Variants in PANX3 observed in about 807,000 individuals in gnomAD.
PANX3 encodes pannexin 3, also known as pannexin-3.
A neutral mutation model predicts 31.5 loss-of-function variants in PANX3; 18 were observed. The ratio of observed to expected loss-of-function variants is 0.57; its 90% CI spans 0.39 to 0.85. PANX3 has a LOEUF of 0.85. Among genes scored for constraint, PANX3 ranks in the 40% least tolerant of loss-of-function variants. The pLI is 0.00. For synonymous variants in PANX3, 194 were observed against 201.6 expected, an observed-to-expected ratio of 0.96 and a Z score of 0.32; for missense variants, 426 against 485.4, an observed-to-expected ratio of 0.88 and a Z score of 1.15.
chr11:124,618,354 T>G (rs570484604), intron 3 of PANX3, among the ~76,000 whole-genome samples: 1 of 152,332 alleles, frequency 6.6e-6, no homozygotes, highest in East Asian at 1.9e-4. Flanking sequence ...TTCTGAACAT[T>G]GAAGGCCACA....
chr11:124,611,468 CAA>C lies in PANX3; in HGVS notation c.-87_-86del. On this transcript the variant is annotated 5_prime_UTR_variant, in exon 1 of 4. Coordinates refer to ENST00000284288, the MANE Select transcript of PANX3 (RefSeq NM_052959.3). Reference sequence around the variant, plus strand: ...GCTGGGGTGGCAGGCACTGTCTGCCCAAAGTCAGCTGCCTGAAGCTGCCGTCT... The same window carrying C: ...GCTGGGGTGGCAGGCACTGTCTGCCCAGTCAGCTGCCTGAAGCTGCCGTCT... The C allele has an allele frequency of 7.5e-7, 1 of 1,328,718 alleles. No individual in the cohort carries two copies. The highest frequency in any genetic ancestry group is 1.0e-6 in the Non-Finnish European group (1 of 975,932). The allele number at this position is 1,328,718 out of a possible 1,614,324, so 82.3% of individuals were successfully genotyped here. A position where few individuals can be genotyped will look rare whatever the true frequency, so the allele number is the denominator to read the frequency against.
At chr11:124,613,510 C>G (rs925301101) in intron 2 of PANX3, among the ~76,000 whole-genome samples, 5 of 152,108 alleles carry the variant, frequency 3.3e-5, no homozygotes, top group African/African-American at 1.2e-4. Context: ...TGCCAACCCT[C>G]TAGGAACTCG....
intron 1 of PANX3, 89 bp from the exon 2 acceptor site, chr11:124,612,891 A>G: frequency 2.0e-6 from 3 of 1,509,286 alleles, no homozygotes; most frequent in Non-Finnish European, 2.7e-6. Flanking sequence ...TGCCAGAAAC[A>G]GAAACTGGGG....
rs1591369549 is a variant in PANX3 at position 124,619,915 on chromosome 11, G to C, written c.1159G>C (p.Ala387Pro). The change falls in exon 4 of 4, where the codon GCA (alanine) becomes CCA (proline). Residue 387 changes from alanine (A) to proline (P), a missense_variant. Transcript: ENST00000284288. ...PSKPKHLTNS[A>P]CDEHP ...AAAACCCAAACACCTCACCAACTCGGCATGTGATGAACACCCATAGTTAAG... is the reference window on the plus strand; with the variant it reads ...AAAACCCAAACACCTCACCAACTCGCCATGTGATGAACACCCATAGTTAAG... The C allele has an allele frequency of 6.2e-7, 1 of 1,607,918 alleles. No homozygotes were observed. The highest frequency in any genetic ancestry group is 2.2e-5 in the East Asian group (1 of 44,850).
In PANX3 at chr11:124,619,938, A is replaced by G; in HGVS notation, c.*3A>G. The G allele has an allele frequency of 6.3e-7, 1 of 1,588,998 alleles. No homozygotes were observed. The highest frequency in any genetic ancestry group is 1.1e-5 in the South Asian group (1 of 87,152). ...CGGCATGTGATGAACACCCATAGTT[A>G]AGAAACCATGGAGCAAGAAAGCTTG... On this transcript the variant is annotated 3_prime_UTR_variant, in exon 4 of 4. Coordinates refer to ENST00000284288, the MANE Select transcript of PANX3 (RefSeq NM_052959.3).
At chr11:124,617,091 A>G (rs1863161226) in intron 2 of PANX3, among the ~76,000 whole-genome samples, 183 bp from the exon 3 acceptor site, 1 of 152,212 alleles carries the variant, frequency 6.6e-6, no homozygotes, top group Admixed American at 6.5e-5. Context: ...CTTCTGAAGC[A>G]GGCCCGCCTG....
chr11:124,616,744 C>T lies in PANX3; in HGVS notation c.325-530C>T, dbSNP rs1236083651. ...CCAAAAATCAGAAAAGACCACTGTG[C>T]ATCAGACAAGTCCAGGAAGGTGACA... On this transcript the variant is annotated intron_variant, in intron 2 of 3. Transcript: ENST00000284288. The surrounding 1 kb of genome is among the most constrained non-coding windows in gnomAD (Gnocchi z 4.8). 6.6e-6 allele frequency among the ~76,000 whole-genome samples: 1 copy of T among 152,210 alleles called. No individual in the cohort carries two copies. Among genetic ancestry groups the T allele is most frequent in the Admixed American group, 6.5e-5 (1 of 15,280 alleles).
chr11:124,618,710 T>C (rs763622002), intron 3 of PANX3, among the ~76,000 whole-genome samples: 1 of 152,154 alleles, frequency 6.6e-6, no homozygotes, highest in South Asian at 2.1e-4. Context: ...AGTGGCACGA[T>C]CTTGGCTCAT....
chr11:124,611,432 A>G lies in PANX3; in HGVS notation c.-125A>G, dbSNP rs1469594395. The G allele has an allele frequency of 6.1e-6, 5 of 814,756 alleles. No individual in the cohort carries two copies. Among genetic ancestry groups the G allele is most frequent in the Non-Finnish European group, 9.4e-6 (5 of 532,770 alleles). 50.5% of individuals were successfully genotyped at this position (814,756 alleles called of 1,614,324 possible). ...GAACCATCGCCTGCTCCCAGCAGAG[A>G]TATCCATAAGGCTGGGGTGGCAGGC... is the stretch of plus-strand genomic sequence containing the variant. On this transcript the variant is annotated 5_prime_UTR_variant, in exon 1 of 4. Transcript: ENST00000284288.
chr11:124,617,767 C>T (rs1358756081), intron 3 of PANX3, among the ~76,000 whole-genome samples: 2 of 152,236 alleles, frequency 1.3e-5, no homozygotes, highest in African/African-American at 4.8e-5. Context: ...TAGCTCCCTT[C>T]ATGCCTACCA....
intron 2 of PANX3, among the ~76,000 whole-genome samples, chr11:124,615,780 G>A (rs1469089707): frequency 1.3e-5 from 2 of 152,176 alleles, no homozygotes; most frequent in East Asian, 3.9e-4. Context: ...AGGAGGCCAA[G>A]GTGGGCAGAT....
At position 124,616,119 on chromosome 11, in the gene PANX3, C is replaced by A. The variant is rs961128673; in HGVS notation, c.325-1155C>A. ...AGGTGTGGTAAGTATGATGAGGAAA[C>A]CTGAAGAAAAGTGCCTGTGTTAATT... On this transcript the variant is annotated intron_variant, in intron 2 of 3. Transcript: ENST00000284288. This position sits in a 1 kb window ranked among gnomAD's most constrained non-coding sequence, Gnocchi z 4.8. Among the ~76,000 whole-genome samples the A allele has an allele frequency of 6.6e-6, 1 of 152,070 alleles. No homozygotes were observed. The highest frequency in any genetic ancestry group is 1.5e-5 in the Non-Finnish European group (1 of 68,004).
At chr11:124,614,143 G>A (rs920834378) in intron 2 of PANX3, among the ~76,000 whole-genome samples, 22 of 136,782 alleles carry the variant, frequency 1.6e-4, no homozygotes, top group African/African-American at 6.1e-4. Flanking sequence ...TCTATCACTG[G>A]AAGTTCAGGA....
rs781454815 is a variant in PANX3 at position 124,611,706 on chromosome 11, G to A, written c.150G>A (p.Met50Ile). ...CTGTGGGCTCCCCCTTGTTGCTGAT[G>A]TCCCTGGCATTCGCCCAGGAGTTCT... ...FVAVGSPLLL[M>I]SLAFAQEFSS... is the part of the protein sequence containing the mutation. The change falls in exon 1 of 4, where the codon ATG becomes ATA. Residue 50 changes from methionine to isoleucine, a missense_variant. Met to Ile is a conservative substitution (Grantham distance 10). Transcript: ENST00000284288. The A allele has an allele frequency of 5.6e-6, 9 of 1,614,016 alleles. No homozygotes were observed. The East Asian group carries it at 1.8e-4, about 32-fold the overall frequency.
chr11:124,616,152 G>A lies in PANX3; in HGVS notation c.325-1122G>A, dbSNP rs78787640. Among the ~76,000 whole-genome samples the A allele has an allele frequency of 0.011, 1,621 of 152,306 alleles. 11 individuals are homozygous for A. Among genetic ancestry groups the A allele is most frequent in the Middle Eastern group, 0.02 (6 of 294 alleles). ...AAAGTGCCTGTGTTAATTTGCTAGAGCTGCTGAAACCAAGCACCACCAACT... is the reference window on the plus strand; with the variant it reads ...AAAGTGCCTGTGTTAATTTGCTAGAACTGCTGAAACCAAGCACCACCAACT... On this transcript the variant is annotated intron_variant, in intron 2 of 3. Coordinates refer to ENST00000284288, the MANE Select transcript of PANX3 (RefSeq NM_052959.3). The surrounding 1 kb of genome is among the most constrained non-coding windows in gnomAD (Gnocchi z 4.8).
chr11:124,615,168 C>T (rs779800312), intron 2 of PANX3, among the ~76,000 whole-genome samples: 5 of 152,048 alleles, frequency 3.3e-5, no homozygotes, highest in African/African-American at 4.8e-5. Context: ...CTGCAACCTC[C>T]GCCTTCTGGG....
rs1863199155 is a variant in PANX3 at position 124,620,046 on chromosome 11, G to A, written c.*111G>A. 8.4e-7 allele frequency: 1 copy of A among 1,185,004 alleles called. No individual in the cohort carries two copies. The highest frequency in any genetic ancestry group is 1.2e-6 in the Non-Finnish European group (1 of 848,364). The allele number at this position is 1,185,004 out of a possible 1,614,324, so 73.4% of individuals were successfully genotyped here. The stretch of plus-strand genomic sequence containing the variant: ...AAATTACACATTTTAAAACTGCTAA[G>A]CTTGGATTTAACTGAATCATATATC... On this transcript the variant is annotated 3_prime_UTR_variant, in exon 4 of 4. Coordinates refer to ENST00000284288, the MANE Select transcript of PANX3 (RefSeq NM_052959.3).
chr11:124,615,416 A>T (rs1277208376), intron 2 of PANX3, among the ~76,000 whole-genome samples: 1 of 152,096 alleles, frequency 6.6e-6, no homozygotes, highest in Non-Finnish European at 1.5e-5. Context: ...ACAATCAATT[A>T]TGTATCCTCC....
Position 124,611,458 on chromosome 11 carries a change from A to G in PANX3, c.-99A>G. On this transcript the variant is annotated 5_prime_UTR_variant, in exon 1 of 4. Transcript: ENST00000284288. ...TATCCATAAGGCTGGGGTGGCAGGCACTGTCTGCCCAAAGTCAGCTGCCTG... is the reference window on the plus strand; with the variant it reads ...TATCCATAAGGCTGGGGTGGCAGGCGCTGTCTGCCCAAAGTCAGCTGCCTG... 1.7e-6 allele frequency: 2 copies of G among 1,154,072 alleles called. No homozygotes were observed. Among genetic ancestry groups the G allele is most frequent in the Non-Finnish European group, 2.4e-6 (2 of 824,370 alleles). The allele number at this position is 1,154,072 out of a possible 1,614,324, so 71.5% of individuals were successfully genotyped here.
Sources: gnomAD v4.1 joint callset for allele counts (sites outside exome capture counted in the v4.1 genomes callset) on GRCh38, gnomAD v4.1.1 for gene constraint, Gnocchi (gnomAD v3.1) non-coding constraint, MANE v1.5 for transcripts, NCBI Gene and HGNC (gene_info 2026-07-23, HGNC 2026-07-21) for gene names.